Variants in CREG1 observed in about 807,000 individuals in gnomAD.
CREG1 encodes the protein protein CREG1.
A neutral mutation model predicts 19.9 loss-of-function variants in CREG1; 20 were observed. That is an observed-to-expected ratio of 1.01 (90% CI 0.71 to 1.46). The LOEUF (loss-of-function observed/expected upper bound fraction) is 1.46. Among genes scored for constraint, CREG1 ranks in the 40% most tolerant of loss-of-function variants. CREG1 has a pLI of 0.00. For synonymous variants in CREG1, 141 were observed against 143.3 expected (o/e 0.98, Z 0.12); for missense variants, 290 against 314.9 (o/e 0.92, Z 0.60).
chr1:167,553,237 GC>G lies in CREG1; in HGVS notation c.354+150del, dbSNP rs1656453569. ...CCAGCTGCCCAACATCTGGGACGCTGCAACGCCCACCTACCTGCCTGCGCGG... is the reference window on the plus strand; with the variant it reads ...CCAGCTGCCCAACATCTGGGACGCTGAACGCCCACCTACCTGCCTGCGCGG... On this transcript the variant is annotated intron_variant, in intron 1 of 3. Transcript: ENST00000370509. The G allele has an allele frequency of 2.0e-5, 12 of 604,626 alleles. No homozygotes were observed. The Admixed American group carries it at 4.8e-4, about 24-fold the overall frequency. The allele number at this position is 604,626 out of a possible 1,614,324, so 37.5% of individuals were successfully genotyped here.
chr1:167,545,805 GA>G (rs1571625132), intron 3 of CREG1, among the ~76,000 whole-genome samples: 1 of 147,850 alleles, frequency 6.8e-6, no homozygotes. Flanking sequence ...ACTCTGTCTT[GA>G]AAAAAAAAGA....
intron 1 of CREG1, among the ~76,000 whole-genome samples, chr1:167,553,178 C>G (rs566238503): frequency 6.6e-6 from 1 of 152,172 alleles, no homozygotes; most frequent in Non-Finnish European, 1.5e-5. Flanking sequence ...GGTGCGTGGC[C>G]CAGTGGCGGA....
chr1:167,543,426 G>A (rs184273882), intron 3 of CREG1, among the ~76,000 whole-genome samples: 13 of 152,330 alleles, frequency 8.5e-5, no homozygotes, highest in African/African-American at 2.6e-4. Flanking sequence ...CCATCTGTGT[G>A]AAACAGATTT....
chr1:167,542,263 C>T lies in CREG1; in HGVS notation c.*35G>A, dbSNP rs1656239846. 2 of 1,590,654 alleles carry T rather than the reference C, an allele frequency of 1.3e-6. No individual in the cohort carries two copies. Among genetic ancestry groups the T allele is most frequent in the Non-Finnish European group, 1.7e-6 (2 of 1,170,468 alleles). On this transcript the variant is annotated 3_prime_UTR_variant, in exon 4 of 4. Transcript: ENST00000370509. ...AGTGTGTATGAGCCACTTTAAGAAACTTCATAAGTGTTGCTAAATTCACCA... is the reference window on the plus strand; with the variant it reads ...AGTGTGTATGAGCCACTTTAAGAAATTTCATAAGTGTTGCTAAATTCACCA...
chr1:167,542,973 C>G (rs1175747617), intron 3 of CREG1, among the ~76,000 whole-genome samples: 1 of 152,102 alleles, frequency 6.6e-6, no homozygotes, highest in African/African-American at 2.4e-5. Context: ...GTTGGGCGGG[C>G]GCGGTGGCTC....
chr1:167,542,085 GA>G lies in CREG1; in HGVS notation c.*212del, dbSNP rs1656236881. ...CTCTACGAAAATGGCTTCAAAATAG[GA>G]AAAAAGTAGCTACCACATCTTCCAG... On this transcript the variant is annotated 3_prime_UTR_variant, in exon 4 of 4. Transcript: ENST00000370509. 1 of 456,540 alleles carries G rather than the reference GA, an allele frequency of 2.2e-6. No homozygotes were observed. The highest frequency in any genetic ancestry group is 3.9e-6 in the Non-Finnish European group (1 of 256,130). The allele number at this position is 456,540 out of a possible 1,614,324, so 28.3% of individuals were successfully genotyped here. A position where few individuals can be genotyped will look rare whatever the true frequency, so the allele number is the denominator to read the frequency against.
chr1:167,547,103 C>T (rs2102150595), intron 2 of CREG1, among the ~76,000 whole-genome samples: 1 of 152,340 alleles, frequency 6.6e-6, no homozygotes, highest in East Asian at 1.9e-4. Context: ...CCATAAATAA[C>T]ACTTGTCTGA....
chr1:167,542,358 A>T (rs41270716), intron 3 of CREG1, 57 bp from the exon 4 acceptor site: 167,847 of 1,521,896 alleles, frequency 0.11, 10,889 homozygotes, highest in Admixed American at 0.24. Flanking sequence ...AAATCTTAAA[A>T]ATTAATTCAT....
At chr1:167,546,002 T>C (rs1216392400) in intron 3 of CREG1, 99 bp downstream of exon 3, 6 of 886,224 alleles carry the variant, frequency 6.8e-6, no homozygotes, top group Non-Finnish European at 1.0e-5. Flanking sequence ...CTGCCCAGGG[T>C]GTCCAGGGCA....
chr1:167,547,660 C>A (rs1656352751), intron 2 of CREG1, among the ~76,000 whole-genome samples: 1 of 152,164 alleles, frequency 6.6e-6, no homozygotes. Flanking sequence ...GTGGCTCACG[C>A]CTGTAATCTC....
At chr1:167,553,095 A>T (rs1407573453) in intron 1 of CREG1, among the ~76,000 whole-genome samples, 1 of 150,966 alleles carries the variant, frequency 6.6e-6, no homozygotes, top group Non-Finnish European at 1.5e-5. Context: ...TAATAGAGAC[A>T]CTGGGCCCCA....
intron 2 of CREG1, among the ~76,000 whole-genome samples, chr1:167,547,081 A>T (rs960291972): frequency 6.6e-6 from 1 of 152,260 alleles, no homozygotes; most frequent in African/African-American, 2.4e-5. Flanking sequence ...GCATCCACAA[A>T]GAATTTACAG....
At chr1:167,548,237 T>G in intron 1 of CREG1, 116 bp from the exon 2 acceptor site, 2 of 721,830 alleles carry the variant, frequency 2.8e-6, no homozygotes, top group Non-Finnish European at 4.5e-6. Flanking sequence ...CACGAAACAA[T>G]GAATCATAAA....
intron 1 of CREG1, among the ~76,000 whole-genome samples, chr1:167,552,127 GA>G (rs1282645536): frequency 1.3e-5 from 2 of 152,240 alleles, no homozygotes; most frequent in Non-Finnish European, 2.9e-5. Context: ...GTGGTTTGAA[GA>G]AAGATGAACC....
Position 167,553,631 on chromosome 1 carries a change from G to T in CREG1, c.111C>A (p.His37Gln), listed in dbSNP as rs1023828769. ...GCCGGGAGGCCTCGTCCCAGTCCCC[G>T]TGGTCCCGGCCGCCGCGACCCCGCG... ...SPARGRGGRDHGDWDEASRLP... is the reference protein window; with the variant it reads ...SPARGRGGRDQGDWDEASRLP... Residue 37 changes from histidine to glutamine, a missense_variant, in exon 1 of 4, where the codon CAC becomes CAA. Coordinates refer to ENST00000370509, the MANE Select transcript of CREG1 (RefSeq NM_003851.3). 4 of 1,362,638 alleles carry T rather than the reference G, an allele frequency of 2.9e-6. No homozygotes were observed. In the African/African-American group the frequency reaches 6.1e-5, roughly 21 times the overall value. 84.4% of individuals were successfully genotyped at this position (1,362,638 alleles called of 1,614,324 possible). A position where few individuals can be genotyped will look rare whatever the true frequency, so the allele number is the denominator to read the frequency against.
intron 1 of CREG1, among the ~76,000 whole-genome samples, chr1:167,549,359 C>T (rs1656383161): frequency 6.7e-6 from 1 of 149,900 alleles, no homozygotes; most frequent in Non-Finnish European, 1.5e-5. Flanking sequence ...ACAGGCTTCA[C>T]TCCCAACCCA....
At chr1:167,552,316 C>T (rs971649502) in intron 1 of CREG1, among the ~76,000 whole-genome samples, 6 of 152,226 alleles carry the variant, frequency 3.9e-5, no homozygotes, top group Non-Finnish European at 7.3e-5. Flanking sequence ...TTCTTGCATC[C>T]TGTCTTTATC....
chr1:167,551,311 G>A (rs1656420370), intron 1 of CREG1, among the ~76,000 whole-genome samples: 1 of 152,154 alleles, frequency 6.6e-6, no homozygotes, highest in Admixed American at 6.5e-5. Flanking sequence ...AGAGCACCCT[G>A]GAGGTCAGGA....
intron 2 of CREG1, among the ~76,000 whole-genome samples, chr1:167,547,544 T>C (rs554477989): frequency 2.4e-4 from 36 of 152,312 alleles, no homozygotes; most frequent in African/African-American, 7.7e-4. Context: ...AACGTTTGGT[T>C]TTCATGGAAT....
Sources: gnomAD v4.1 joint callset for allele counts (sites outside exome capture counted in the v4.1 genomes callset) on GRCh38, gnomAD v4.1.1 for gene constraint, MANE v1.5 for transcripts, NCBI Gene and HGNC (gene_info 2026-07-23, HGNC 2026-07-21) for gene names.